RNFT2: variants seen among roughly 807,000 people sequenced by gnomAD.
RNFT2 encodes the protein E3 ubiquitin-protein ligase RNFT2.
RNFT2 carries 36 observed loss-of-function variants against 53.0 expected under a neutral mutation model. The ratio of observed to expected loss-of-function variants is 0.68; its 90% confidence interval spans 0.52 to 0.90. RNFT2 has a LOEUF of 0.90. RNFT2 is among the 40% of genes least tolerant of loss of function. RNFT2 has a pLI of 0.00. For missense variants in RNFT2, 514 were observed against 585.6 expected, an observed-to-expected ratio of 0.88 and a Z score of 1.26; for synonymous variants, 260 against 253.2, an observed-to-expected ratio of 1.03 and a Z score of -0.26.
At chr12:116,765,767 G>C (rs966930684) in intron 5 of RNFT2, among the ~76,000 whole-genome samples, 22 of 152,166 alleles carry the variant, frequency 1.4e-4, no homozygotes, top group African/African-American at 4.3e-4. Flanking sequence ...GGATTGTGAA[G>C]GGCTTTGAGA....
At chr12:116,754,894 T>A (rs1044855023) in intron 5 of RNFT2, among the ~76,000 whole-genome samples, 1 of 152,258 alleles carries the variant, frequency 6.6e-6, no homozygotes, top group Admixed American at 6.5e-5. Flanking sequence ...TAGTCCTTTG[T>A]CAGATGTACA....
chr12:116,779,184 C>T lies in RNFT2; in HGVS notation c.729-11C>T. Reference sequence around the variant, plus strand: ...AAGGGAACCTTCTGACTCTCTCAATCCTCCCCCCAGCCTCATATTCCTGAA... The same window carrying T: ...AAGGGAACCTTCTGACTCTCTCAATTCTCCCCCCAGCCTCATATTCCTGAA... On this transcript the variant is annotated splice_polypyrimidine_tract_variant and intron_variant, in intron 6 of 10. Transcript: ENST00000257575. 6.2e-7 allele frequency: 1 copy of T among 1,613,956 alleles called. No individual in the cohort carries two copies. Among genetic ancestry groups the T allele is most frequent in the Non-Finnish European group, 8.5e-7 (1 of 1,179,842 alleles).
At chr12:116,831,565 G>A (rs574490995) in intron 7 of RNFT2, among the ~76,000 whole-genome samples, 15 of 150,600 alleles carry the variant, frequency 1.0e-4, no homozygotes, top group African/African-American at 3.7e-4. Context: ...AAAGAATGCT[G>A]TAGTGACCAT....
intron 7 of RNFT2, among the ~76,000 whole-genome samples, chr12:116,805,664 G>C (rs1374747883): frequency 6.6e-6 from 1 of 152,160 alleles, no homozygotes; most frequent in African/African-American, 2.4e-5. Context: ...ATTAGAGACA[G>C]GGTTTTGCCA....
chr12:116,805,663 AG>A, intron 7 of RNFT2, among the ~76,000 whole-genome samples: 1 of 152,224 alleles, frequency 6.6e-6, no homozygotes, highest in East Asian at 1.9e-4. Context: ...TATTAGAGAC[AG>A]GGTTTTGCCA....
intron 7 of RNFT2, among the ~76,000 whole-genome samples, chr12:116,833,076 G>A (rs146807201): frequency 1.3e-5 from 2 of 151,874 alleles, no homozygotes; most frequent in Non-Finnish European, 2.9e-5. Flanking sequence ...GCGCCACCAC[G>A]CTCAGCTAAT....
intron 7 of RNFT2, among the ~76,000 whole-genome samples, chr12:116,811,559 A>G (rs1038584686): frequency 2.0e-5 from 3 of 152,112 alleles, no homozygotes; most frequent in Non-Finnish European, 4.4e-5. Flanking sequence ...TATTTTTAGT[A>G]GAGACGAGTT....
intron 6 of RNFT2, among the ~76,000 whole-genome samples, chr12:116,777,190 T>C (rs1438282003): frequency 1.3e-5 from 2 of 152,062 alleles, no homozygotes; most frequent in African/African-American, 4.8e-5. Context: ...AGTGCTGGGA[T>C]TACAGTCGTG....
chr12:116,811,683 G>A (rs561725496), intron 7 of RNFT2, among the ~76,000 whole-genome samples: 20 of 152,272 alleles, frequency 1.3e-4, no homozygotes, highest in South Asian at 6.2e-4. Flanking sequence ...GCATGCGTGC[G>A]CGTGCGTTTG....
rs933230591 is a variant in RNFT2 at position 116,851,651 on chromosome 12, G to A, written c.*2203G>A. On this transcript the variant is annotated 3_prime_UTR_variant, in exon 11 of 11. Transcript: ENST00000257575. ...GCTACTCAGGAGGCTAAGGCAGGGA[G>A]AACTGCTTGAACTCGGGAGGTGAAA... The A allele has an allele frequency of 8.8e-5, 55 of 628,080 alleles. No individual in the cohort carries two copies. In the African/African-American group the frequency reaches 9.5e-4, roughly 11 times the overall value. The allele number at this position is 628,080 out of a possible 1,614,324, so 38.9% of individuals were successfully genotyped here.
At chr12:116,752,291 C>T (rs1448604188) in intron 4 of RNFT2, among the ~76,000 whole-genome samples, 1 of 152,112 alleles carries the variant, frequency 6.6e-6, no homozygotes, top group East Asian at 1.9e-4. Context: ...GATTCCTCCA[C>T]CTTCCTTGCT....
At chr12:116,767,569 T>G (rs77743947) in intron 6 of RNFT2, among the ~76,000 whole-genome samples, 8,654 of 151,650 alleles carry the variant, frequency 0.057, 359 homozygotes, top group East Asian at 0.15. Flanking sequence ...AAATTATGTT[T>G]TTTTTTTGTT....
intron 7 of RNFT2, among the ~76,000 whole-genome samples, chr12:116,783,598 C>T (rs2137122486): frequency 6.6e-6 from 1 of 152,368 alleles, no homozygotes; most frequent in South Asian, 2.1e-4. Flanking sequence ...CAATAACACC[C>T]CTCCCTGTGC....
At chr12:116,808,263 A>AGTTTTTTATAGCAACGGGGTCTTGCT (rs1212630385) in intron 7 of RNFT2, among the ~76,000 whole-genome samples, 68 of 151,668 alleles carry the variant, frequency 4.5e-4, no homozygotes, top group African/African-American at 1.4e-3. Context: ...CTAATTTTTA[A>AGTTTTTTATAGCAACGGGGTCTTGCT]GTTTTTTATA....
At chr12:116,743,175 T>C (rs1273404232) in intron 3 of RNFT2, among the ~76,000 whole-genome samples, 3 of 132,452 alleles carry the variant, frequency 2.3e-5, no homozygotes, top group African/African-American at 8.6e-5. Flanking sequence ...CTTTGGCCGT[T>C]AGTTTGGCCC....
chr12:116,750,315 C>T lies in RNFT2; in HGVS notation c.550+8C>T. On this transcript the variant is annotated splice_region_variant and intron_variant, in intron 4 of 10. Coordinates refer to ENST00000257575, the MANE Select transcript of RNFT2 (RefSeq NM_001382266.1). ...GCTTTCAGCATAAGCTCGGTGAGTT[C>T]TGGGGGCATGGGTGTCCTAGCCATG... is the stretch of plus-strand genomic sequence containing the variant. 6.3e-7 allele frequency: 1 copy of T among 1,590,732 alleles called. No individual in the cohort carries two copies.
chr12:116,814,918 T>G (rs1204735834), intron 7 of RNFT2, among the ~76,000 whole-genome samples: 2 of 152,144 alleles, frequency 1.3e-5, no homozygotes, highest in Non-Finnish European at 2.9e-5. Context: ...GTATTTTTAG[T>G]AGAAATGGGG....
chr12:116,846,618 AC>A (rs1412389042), intron 10 of RNFT2, among the ~76,000 whole-genome samples: 15 of 152,012 alleles, frequency 9.9e-5, no homozygotes, highest in African/African-American at 3.1e-4. Context: ...TTTTAAAAAA[AC>A]ATTTTGTTTA....
intron 7 of RNFT2, chr12:116,800,950 C>G (rs1349678551): frequency 6.6e-6 from 1 of 152,152 alleles, no homozygotes; most frequent in Non-Finnish European, 1.5e-5. Flanking sequence ...GGACTCAACT[C>G]AGCTTGACTG....
Sources: allele counts gnomAD v4.1 joint callset (sites outside exome capture counted in the v4.1 genomes callset), GRCh38; gene constraint gnomAD v4.1.1; transcripts MANE v1.5; gene names NCBI Gene and HGNC (gene_info 2026-07-23, HGNC 2026-07-21).